Variants in SPTB observed in about 807,000 individuals in gnomAD.
The protein encoded by SPTB is spectrin beta chain, erythrocytic.
Under a neutral mutation model 256.2 loss-of-function variants are expected in SPTB, and 45 were observed. That is an observed-to-expected ratio of 0.18 (90% confidence interval 0.14 to 0.23). The LOEUF is 0.23. SPTB is among the 10% of genes least tolerant of loss of function. The probability of loss-of-function intolerance (pLI) is 1.00; values close to 1 mark genes in which losing one functional copy is unlikely to be tolerated. For missense variants in SPTB, 2,715 were observed against 3,040.4 expected (o/e 0.89, Z 2.52); for synonymous variants, 1,231 against 1,243.1 (o/e 0.99, Z 0.21).
In SPTB at chr14:64,775,828, G is replaced by A. The variant is rs1373678843; in HGVS notation, c.4564-425C>T. On this transcript the variant is annotated intron_variant, in intron 22 of 35. Coordinates refer to ENST00000644917, the MANE Select transcript of SPTB (RefSeq NM_001355436.2). This position sits in a 1 kb window ranked among gnomAD's most constrained non-coding sequence, Gnocchi z 5.0. ...TTCTAACAGCTTTTGCAGGATTTATGCAGGATCATTTACGCAGGATACGCC... is the reference window on the plus strand; with the variant it reads ...TTCTAACAGCTTTTGCAGGATTTATACAGGATCATTTACGCAGGATACGCC... 3.9e-5 allele frequency among the ~76,000 whole-genome samples: 6 copies of A among 152,222 alleles called. No individual in the cohort carries two copies. The highest frequency in any genetic ancestry group is 7.3e-5 in the Non-Finnish European group (5 of 68,038).
chr14:64,828,501 T>C (rs1262133861), intron 1 of SPTB, among the ~76,000 whole-genome samples: 5 of 152,232 alleles, frequency 3.3e-5, no homozygotes, highest in Non-Finnish European at 7.3e-5. Context: ...ATGATACTCA[T>C]ATACATATCA....
Position 64,760,659 on chromosome 14 carries a change from T to A in SPTB, c.6345+6067A>T, listed in dbSNP as rs1018030362. ...ATGCTACTTTTAAGAGATGAAGGACTGAGGTGGGGGATGGAGAAAAATGAA... is the reference window on the plus strand; with the variant it reads ...ATGCTACTTTTAAGAGATGAAGGACAGAGGTGGGGGATGGAGAAAAATGAA... On this transcript the variant is annotated intron_variant, in intron 32 of 35. Transcript: ENST00000644917. The surrounding 1 kb of genome is among the most constrained non-coding windows in gnomAD (Gnocchi z 4.3). Among the ~76,000 whole-genome samples the A allele has an allele frequency of 1.3e-5, 2 of 152,170 alleles. No homozygotes were observed. The highest frequency in any genetic ancestry group is 4.8e-5 in the African/African-American group (2 of 41,448).
In SPTB at chr14:64,823,165, TC is replaced by T; in HGVS notation, c.-51-21del. Reference sequence around the variant, plus strand: ...GGATCCCTGGGGGACAGCAACACAGTCAGAGGGTTATCTCTCTACCCCCTCG... The same window carrying T: ...GGATCCCTGGGGGACAGCAACACAGTAGAGGGTTATCTCTCTACCCCCTCG... On this transcript the variant is annotated intron_variant, in intron 1 of 35. Coordinates refer to ENST00000644917, the MANE Select transcript of SPTB (RefSeq NM_001355436.2). This position sits in a 1 kb window ranked among gnomAD's most constrained non-coding sequence, Gnocchi z 6.5. 6.3e-7 allele frequency: 1 copy of T among 1,588,254 alleles called. No homozygotes were observed. The highest frequency in any genetic ancestry group is 1.7e-5 in the Admixed American group (1 of 59,944).
At chr14:64,848,079 T>C (rs1432703064) in intron 1 of SPTB, among the ~76,000 whole-genome samples, 1 of 152,238 alleles carries the variant, frequency 6.6e-6, no homozygotes, top group African/African-American at 2.4e-5. Context: ...CGACTCACCA[T>C]CTTCACATTT....
chr14:64,749,145 CG>C lies in SPTB; in HGVS notation c.*160del. 1 of 788,726 alleles carries C rather than the reference CG, an allele frequency of 1.3e-6. No homozygotes were observed. The highest frequency in any genetic ancestry group is 1.9e-6 in the Non-Finnish European group (1 of 517,928). 48.9% of individuals were successfully genotyped at this position (788,726 alleles called of 1,614,324 possible). ...GGAGGGGGCGTCGGCCCAGGACACGCGGGCGAAGGCAGCTTTTGCAGTGCAG... is the reference window on the plus strand; with the variant it reads ...GGAGGGGGCGTCGGCCCAGGACACGCGGCGAAGGCAGCTTTTGCAGTGCAG... On this transcript the variant is annotated 3_prime_UTR_variant, in exon 36 of 36. Coordinates refer to ENST00000644917, the MANE Select transcript of SPTB (RefSeq NM_001355436.2). This position sits in a 1 kb window ranked among gnomAD's most constrained non-coding sequence, Gnocchi z 4.7.
At position 64,772,264 on chromosome 14, in the gene SPTB, T is replaced by G. The variant is rs1292923695; in HGVS notation, c.5553+316A>C. Among the ~76,000 whole-genome samples, 1 of 152,218 alleles carries G rather than the reference T, an allele frequency of 6.6e-6. No homozygotes were observed. The highest frequency in any genetic ancestry group is 2.4e-5 in the African/African-American group (1 of 41,460). On this transcript the variant is annotated intron_variant, in intron 26 of 35. Coordinates refer to ENST00000644917, the MANE Select transcript of SPTB (RefSeq NM_001355436.2). The surrounding 1 kb of genome is among the most constrained non-coding windows in gnomAD (Gnocchi z 5.4). ...CTGCCATGAGGGTCCAGCGGCTACA[T>G]ACATTGCTCAGAAGAGCACCTGGTG...
intron 1 of SPTB, among the ~76,000 whole-genome samples, chr14:64,869,644 CAG>C (rs1882410962): frequency 7.5e-6 from 1 of 133,758 alleles, no homozygotes; most frequent in Non-Finnish European, 1.6e-5. Flanking sequence ...TTTTTTGAGA[CAG>C]GGTCTCAATC....
At chr14:64,750,225 C>T (rs978407845) in intron 33 of SPTB, 71 bp from the exon 34 acceptor site, 8 of 1,492,706 alleles carry the variant, frequency 5.4e-6, no homozygotes, top group Non-Finnish European at 7.2e-6. Context: ...CCTATAGCTT[C>T]ACCATTAAAA....
At chr14:64,751,656 A>G (rs987903086) in intron 33 of SPTB, among the ~76,000 whole-genome samples, 27 of 152,292 alleles carry the variant, frequency 1.8e-4, no homozygotes, top group African/African-American at 6.0e-4. Flanking sequence ...CAATATTTCT[A>G]CATCCATCAG....
At chr14:64,798,029 C>G (rs138127406) in intron 9 of SPTB, among the ~76,000 whole-genome samples, 183 bp from the exon 10 acceptor site, 170 of 152,328 alleles carry the variant, frequency 1.1e-3, no homozygotes, top group African/African-American at 3.7e-3. Flanking sequence ...CTATCCTTTT[C>G]ACCAACTGAG....
chr14:64,833,258 C>A (rs1398005383), intron 1 of SPTB, among the ~76,000 whole-genome samples: 1 of 152,148 alleles, frequency 6.6e-6, no homozygotes, highest in Non-Finnish European at 1.5e-5. Flanking sequence ...CTTCAAGAAA[C>A]CTCCCACCTC....
At chr14:64,879,135 G>A (rs896391304) in intron 1 of SPTB, among the ~76,000 whole-genome samples, 4 of 152,216 alleles carry the variant, frequency 2.6e-5, no homozygotes, top group Non-Finnish European at 4.4e-5. Context: ...CTTAGAGGAA[G>A]AGAGGAACTC....
intron 2 of SPTB, among the ~76,000 whole-genome samples, chr14:64,822,399 CACAG>C (rs1566787029): frequency 2.8e-5 from 4 of 143,334 alleles, no homozygotes; most frequent in African/African-American, 8.1e-5. Flanking sequence ...CACACACACA[CACAG>C]AGAGATCTAT....
chr14:64,879,369 C>A (rs1272042768), intron 1 of SPTB, among the ~76,000 whole-genome samples: 1 of 152,194 alleles, frequency 6.6e-6, no homozygotes, highest in African/African-American at 2.4e-5. Flanking sequence ...GGCTGAGAAG[C>A]CGGACAAAAA....
At chr14:64,839,866 T>C (rs1369856215) in intron 1 of SPTB, among the ~76,000 whole-genome samples, 1 of 152,144 alleles carries the variant, frequency 6.6e-6, no homozygotes, top group Non-Finnish European at 1.5e-5. Flanking sequence ...ATAAGTGCCA[T>C]AGAATTTCAG....
Position 64,793,116 on chromosome 14 carries a change from G to A in SPTB, c.2547C>T (p.Asp849=). 2 of 1,614,106 alleles carry A rather than the reference G, an allele frequency of 1.2e-6. No individual in the cohort carries two copies. Among genetic ancestry groups the A allele is most frequent in the Non-Finnish European group, 1.7e-6 (2 of 1,180,050 alleles). ...LRQQRLQEAL[D]LYTVFGETDA... Reference sequence around the variant, plus strand: ...CTGTCTCCCCGAACACCGTGTACAGGTCCAGGGCTTCCTGCAGCCTCTGCT... The same window carrying A: ...CTGTCTCCCCGAACACCGTGTACAGATCCAGGGCTTCCTGCAGCCTCTGCT... The change falls in exon 14 of 36, where the codon GAC becomes GAT. Residue 849 remains aspartate (D), a synonymous_variant. Transcript: ENST00000644917. The surrounding 1 kb of genome is among the most constrained non-coding windows in gnomAD (Gnocchi z 7.0).
rs200814169 is a variant in SPTB, at chr14:64,794,471, C to T, written c.1791G>A (p.Gly597=). 271 of 1,614,194 alleles carry T rather than the reference C, an allele frequency of 1.7e-4. No homozygotes were observed. The highest frequency in any genetic ancestry group is 2.2e-4 in the Non-Finnish European group (255 of 1,180,036). The change falls in exon 13 of 36, where the codon GGG becomes GGA. Residue 597 remains glycine (G), a synonymous_variant. Coordinates refer to ENST00000644917, the MANE Select transcript of SPTB (RefSeq NM_001355436.2). ...ITAATLKFTE[G]KGYQPCDPQV... is the part of the protein sequence containing the mutation. Reference sequence around the variant, plus strand: ...GGGAGACAGACTTGGTCTCACCTTTCCCCTCGGTGAACTTCAGGGTGGCTG... The same window carrying T: ...GGGAGACAGACTTGGTCTCACCTTTTCCCTCGGTGAACTTCAGGGTGGCTG...
At chr14:64,819,577 C>T (rs940657152) in intron 2 of SPTB, among the ~76,000 whole-genome samples, 1 of 152,186 alleles carries the variant, frequency 6.6e-6, no homozygotes, top group African/African-American at 2.4e-5. Flanking sequence ...GGCTTCATCT[C>T]ATGGGCATCA....
In SPTB at chr14:64,793,085, A is replaced by T. The variant is rs2082702702; in HGVS notation, c.2578T>A (p.Cys860Ser). The T allele has an allele frequency of 6.2e-7, 1 of 1,613,924 alleles. No homozygotes were observed. Among genetic ancestry groups the T allele is most frequent in the Admixed American group, 1.7e-5 (1 of 60,010 alleles). Residue 860 changes from cysteine (C) to serine (S), a missense_variant, in exon 14 of 36, where the codon TGT becomes AGT. Coordinates refer to ENST00000644917, the MANE Select transcript of SPTB (RefSeq NM_001355436.2). This position sits in a 1 kb window ranked among gnomAD's most constrained non-coding sequence, Gnocchi z 7.0. The part of the protein sequence containing the change: ...LYTVFGETDA[C>S]ELWMGEKEKW... ...TCCTTCTCTCCCATCCACAGCTCAC[A>T]GGCGTCTGTCTCCCCGAACACCGTG...
Sources: gnomAD v4.1 joint callset for allele counts (sites outside exome capture counted in the v4.1 genomes callset) on GRCh38, gnomAD v4.1.1 for gene constraint, Gnocchi (gnomAD v3.1) non-coding constraint, MANE v1.5 for transcripts, NCBI Gene and HGNC (gene_info 2026-07-23, HGNC 2026-07-21) for gene names.